ZNF710: variants seen among roughly 807,000 people sequenced by gnomAD.
ZNF710 encodes the protein zinc finger protein 710.
Under a neutral mutation model 50.6 loss-of-function variants are expected in ZNF710, and 13 were observed. That is an observed-to-expected ratio of 0.26 (90% CI 0.17 to 0.41). The LOEUF (loss-of-function observed/expected upper bound fraction) is 0.41. Ranked by LOEUF, ZNF710 falls within the 10% of genes least tolerant of loss-of-function variation. The pLI, the probability that ZNF710 is intolerant of heterozygous loss-of-function variation, is 1.00. For synonymous variants in ZNF710, 383 were observed against 397.0 expected, an observed-to-expected ratio of 0.96 and a Z score of 0.42; for missense variants, 721 against 936.6, an observed-to-expected ratio of 0.77 and a Z score of 3.01.
chr15:90,061,942 C>G (rs372919813), intron 1 of ZNF710, among the ~76,000 whole-genome samples: 1 of 152,194 alleles, frequency 6.6e-6, no homozygotes, highest in African/African-American at 2.4e-5. Flanking sequence ...TCTGAGGAGA[C>G]GGCGTCCCTG....
chr15:90,041,723 G>A (rs1899299930), intron 1 of ZNF710, among the ~76,000 whole-genome samples: 2 of 152,032 alleles, frequency 1.3e-5, no homozygotes, highest in African/African-American at 2.4e-5. Context: ...GGGCAGGACC[G>A]AGTCTTGTGC....
upstream of ZNF710, among the ~76,000 whole-genome samples, chr15:89,998,825 ACT>A (rs1485104921): frequency 6.6e-6 from 1 of 152,140 alleles, no homozygotes; most frequent in East Asian, 1.9e-4. Flanking sequence ...AAACTAAGAC[ACT>A]GTCTCTGCAA....
chr15:90,016,725 GT>G (rs979618435), intron 1 of ZNF710, among the ~76,000 whole-genome samples: 1 of 152,054 alleles, frequency 6.6e-6, no homozygotes, highest in Non-Finnish European at 1.5e-5. Context: ...CTGGCCTCTT[GT>G]TTTTTTTAAC....
chr15:90,033,582 C>A (rs1385382157), intron 1 of ZNF710, among the ~76,000 whole-genome samples: 2 of 152,190 alleles, frequency 1.3e-5, no homozygotes, highest in Non-Finnish European at 2.9e-5. Flanking sequence ...GGTTCTCACT[C>A]TGTTGCCCAG....
intron 1 of ZNF710, among the ~76,000 whole-genome samples, chr15:90,027,046 A>G (rs1219734303): frequency 6.6e-6 from 1 of 152,192 alleles, no homozygotes; most frequent in African/African-American, 2.4e-5. Flanking sequence ...AGAAACATAT[A>G]AATATTATAA....
chr15:90,078,095 C>T (rs901782229), intron 4 of ZNF710, among the ~76,000 whole-genome samples: 6 of 151,434 alleles, frequency 4.0e-5, no homozygotes, highest in African/African-American at 9.7e-5. Flanking sequence ...CCTGTAATCT[C>T]AGCTACTTGG....
chr15:90,037,784 T>G (rs1317722), intron 1 of ZNF710, among the ~76,000 whole-genome samples: 70,087 of 152,080 alleles, frequency 0.46, 18,959 homozygotes, highest in East Asian at 0.75. Flanking sequence ...AGATGAGGGA[T>G]GTCGGGCTTC....
rs570034364 is a variant in ZNF710, at chr15:90,002,105, G to A, written c.-29+491G>A. ...CCCGCACGTGGGTGTCCCGGTGCTG[G>A]GTGCGCTCCCCCCACACCCGGCCCG... On this transcript the variant is annotated intron_variant, in intron 1 of 4. Transcript: ENST00000268154. 3.2e-3 allele frequency among the ~76,000 whole-genome samples: 488 copies of A among 151,374 alleles called. 3 individuals are homozygous for A. Among genetic ancestry groups the A allele is most frequent in the African/African-American group, 0.011 (475 of 41,306 alleles).
At chr15:90,008,638 A>G (rs931568705) in intron 1 of ZNF710, among the ~76,000 whole-genome samples, 4 of 151,002 alleles carry the variant, frequency 2.6e-5, no homozygotes, top group Admixed American at 6.6e-5. Flanking sequence ...TTTATAAATC[A>G]GTCGGTGGCA....
intron 1 of ZNF710, among the ~76,000 whole-genome samples, chr15:90,020,303 C>T (rs1898576144): frequency 6.6e-6 from 1 of 152,170 alleles, no homozygotes; most frequent in Non-Finnish European, 1.5e-5. Flanking sequence ...CTGGTGCCCA[C>T]CTTCAGGACT....
chr15:90,033,499 G>C (rs190095803), intron 1 of ZNF710, among the ~76,000 whole-genome samples: 2 of 152,178 alleles, frequency 1.3e-5, no homozygotes, highest in African/African-American at 4.8e-5. Context: ...TTGGCTCCTA[G>C]GCTAGCCGGC....
In ZNF710 at chr15:90,034,427, C is replaced by CGT. The variant is rs1280140194; in HGVS notation, c.-28-32683_-28-32682insGT. 2.7e-3 allele frequency among the ~76,000 whole-genome samples: 302 copies of CGT among 113,692 alleles called. 6 individuals carry two copies. Among genetic ancestry groups the CGT allele is most frequent in the Non-Finnish European group, 3.6e-4 (20 of 55,818 alleles). 74.6% of individuals were successfully genotyped at this position (113,692 alleles called of 152,430 possible). A position where few individuals can be genotyped will look rare whatever the true frequency, so the allele number is the denominator to read the frequency against. ...CAGCTGTCCTTCCTGTTTCCAAATT[C>CGT]CTGTGTGTGTGTGTGTGTGTGTGTG... is the stretch of plus-strand genomic sequence containing the variant. On this transcript the variant is annotated intron_variant, in intron 1 of 4. Transcript: ENST00000268154. This position sits in a 1 kb window ranked among gnomAD's most constrained non-coding sequence, Gnocchi z 4.0.
rs374211900 is a variant in ZNF710 at position 90,059,662 on chromosome 15, C to T, written c.-28-7448C>T. Among the ~76,000 whole-genome samples the T allele has an allele frequency of 3.3e-5, 5 of 152,200 alleles. No individual in the cohort carries two copies. The East Asian group carries it at 5.8e-4, about 18-fold the overall frequency. On this transcript the variant is annotated intron_variant, in intron 1 of 4. Coordinates refer to ENST00000268154, the MANE Select transcript of ZNF710 (RefSeq NM_198526.4). This position sits in a 1 kb window ranked among gnomAD's most constrained non-coding sequence, Gnocchi z 4.1. ...CCCGTGCCGGCGGCAGCTCCCTGGG[C>T]CTCTGGCTCCTGAGGCCTGTGGGCT...
intron 1 of ZNF710, among the ~76,000 whole-genome samples, chr15:90,026,738 A>G (rs888450734): frequency 3.3e-5 from 5 of 152,230 alleles, no homozygotes; most frequent in Admixed American, 2.0e-4. Flanking sequence ...AGCTTAATAT[A>G]GTAACTACGT....
intron 1 of ZNF710, among the ~76,000 whole-genome samples, chr15:90,047,172 T>C (rs1280278101): frequency 1.3e-5 from 2 of 152,314 alleles, no homozygotes; most frequent in South Asian, 2.1e-4. Context: ...GGGCCCCAGT[T>C]TCCCAGGTGG....
intron 1 of ZNF710, among the ~76,000 whole-genome samples, chr15:90,023,686 T>C (rs1898688767): frequency 2.0e-5 from 3 of 150,594 alleles, no homozygotes; most frequent in Admixed American, 1.3e-4. Context: ...CCCAACTCTA[T>C]TAAAAGCAAA....
upstream of ZNF710, among the ~76,000 whole-genome samples, chr15:90,000,181 G>A (rs1372362179): frequency 6.6e-6 from 1 of 152,244 alleles, no homozygotes; most frequent in African/African-American, 2.4e-5. Context: ...CACTCCTCCG[G>A]AGAACCCGAG....
At chr15:90,050,041 C>T (rs1399000934) in intron 1 of ZNF710, among the ~76,000 whole-genome samples, 3 of 152,344 alleles carry the variant, frequency 2.0e-5, no homozygotes, top group Middle Eastern at 3.4e-3. Context: ...TGATGATAGC[C>T]TGTGTGGACG....
chr15:90,049,764 A>C (rs563074836), intron 1 of ZNF710, among the ~76,000 whole-genome samples: 1 of 152,248 alleles, frequency 6.6e-6, no homozygotes, highest in African/African-American at 2.4e-5. Flanking sequence ...TGCAGCCAAC[A>C]GGCTGCCTTG....
Sources: allele counts gnomAD v4.1 joint callset (sites outside exome capture counted in the v4.1 genomes callset), GRCh38; gene constraint gnomAD v4.1.1; non-coding constraint Gnocchi (gnomAD v3.1); transcripts MANE v1.5; gene names NCBI Gene and HGNC (gene_info 2026-07-23, HGNC 2026-07-21).